Variants in ZIM2 observed in about 807,000 individuals in gnomAD.
ZIM2 encodes zinc finger protein 656.
In ZIM2, 14 loss-of-function variants were observed where a neutral mutation model predicts 38.6. The observed-to-expected ratio is 0.36, with a 90% confidence interval of 0.24 to 0.57. The LOEUF is 0.57. Ranked by LOEUF, ZIM2 falls within the 20% of genes least tolerant of loss-of-function variation. The pLI, the probability that ZIM2 is intolerant of heterozygous loss-of-function variation, is 0.81. For missense variants in ZIM2, 680 were observed against 695.1 expected (o/e 0.98, Z 0.24); for synonymous variants, 247 against 245.8 (o/e 1.00, Z -0.04).
intron 2 of ZIM2, among the ~76,000 whole-genome samples, chr19:56,827,165 A>G (rs2061120394): frequency 6.6e-6 from 1 of 152,224 alleles, no homozygotes. Context: ...GAGCACAGAA[A>G]AGAGATGGAG....
chr19:56,827,233 G>A (rs2061128168), intron 2 of ZIM2, among the ~76,000 whole-genome samples: 1 of 152,112 alleles, frequency 6.6e-6, no homozygotes, highest in Non-Finnish European at 1.5e-5. Flanking sequence ...TTGTCACAAG[G>A]TGGATGCCAA....
At chr19:56,836,582 G>A (rs576282524) in intron 1 of ZIM2, among the ~76,000 whole-genome samples, 13 of 152,272 alleles carry the variant, frequency 8.5e-5, no homozygotes, top group African/African-American at 3.1e-4. Flanking sequence ...ATCAATTAGA[G>A]GTCCCTGGGG....
At chr19:56,782,577 G>A (rs1290221330) in intron 10 of ZIM2, 1 of 364,712 alleles carries the variant, frequency 2.7e-6, no homozygotes, top group African/African-American at 2.1e-5. Context: ...ATTCAATTAA[G>A]TATTGGGTAA....
chr19:56,786,290 TCC>T (rs1236396231), intron 10 of ZIM2, among the ~76,000 whole-genome samples: 1 of 152,198 alleles, frequency 6.6e-6, no homozygotes, highest in African/African-American at 2.4e-5. Context: ...GAATGCGTGT[TCC>T]AGGACATGAC....
intron 10 of ZIM2, 54 bp downstream of exon 10, chr19:56,789,818 A>T (rs1310551200): frequency 1.1e-5 from 16 of 1,404,146 alleles, no homozygotes; most frequent in Non-Finnish European, 1.5e-5. Flanking sequence ...TCCACAAATT[A>T]GGAAGATAAG....
At chr19:56,775,557 A>G in intron 12 of ZIM2, 28 bp from the exon 13 acceptor site, 1 of 1,567,056 alleles carries the variant, frequency 6.4e-7, no homozygotes, top group Non-Finnish European at 8.6e-7. Flanking sequence ...GAAGTTACCT[A>G]CCGCCCAATT....
intron 3 of ZIM2, chr19:56,824,769 G>T: frequency 2.9e-6 from 3 of 1,023,114 alleles, no homozygotes; most frequent in Non-Finnish European, 4.3e-6. Context: ...ATATACACAT[G>T]TCCCAGAAGT....
intron 10 of ZIM2, among the ~76,000 whole-genome samples, chr19:56,783,766 A>G (rs760806104): frequency 6.6e-6 from 1 of 152,188 alleles, no homozygotes; most frequent in Non-Finnish European, 1.5e-5. Context: ...TCATGCTCCA[A>G]ATCTTAGCAT....
intron 2 of ZIM2, among the ~76,000 whole-genome samples, chr19:56,832,583 T>C (rs1568713060): frequency 6.6e-6 from 1 of 152,198 alleles, no homozygotes; most frequent in South Asian, 2.1e-4. Flanking sequence ...GACTCAGTGT[T>C]AAGTAGTAGC....
chr19:56,821,892 G>T, intron 6 of ZIM2, 138 bp from the exon 7 acceptor site: 1 of 915,436 alleles, frequency 1.1e-6, no homozygotes, highest in Non-Finnish European at 1.7e-6. Context: ...GCATTCTGTG[G>T]CAGCCTCTGA....
At chr19:56,805,900 A>G (rs1245568067) in intron 9 of ZIM2, among the ~76,000 whole-genome samples, 1 of 152,260 alleles carries the variant, frequency 6.6e-6, no homozygotes. Context: ...TAAAATTGGA[A>G]TATTGACAGA....
At chr19:56,808,027 T>G (rs1020730781) in intron 9 of ZIM2, among the ~76,000 whole-genome samples, 1 of 152,188 alleles carries the variant, frequency 6.6e-6, no homozygotes, top group African/African-American at 2.4e-5. Flanking sequence ...AGTGTGGCCA[T>G]AAGAATGACT....
At chr19:56,826,754 ATGC>A (rs1275119644) in intron 2 of ZIM2, among the ~76,000 whole-genome samples, 2 of 152,256 alleles carry the variant, frequency 1.3e-5, no homozygotes, top group African/African-American at 4.8e-5. Flanking sequence ...AAAAGTCTTA[ATGC>A]TGCTATTATT....
At chr19:56,822,727 T>G (rs1270048461) in intron 6 of ZIM2, 26 bp downstream of exon 6, 1 of 1,612,848 alleles carries the variant, frequency 6.2e-7, no homozygotes, top group Non-Finnish European at 8.5e-7. Context: ...TATCTCCTAC[T>G]GGGAAAGAAA....
At chr19:56,799,008 T>C (rs772693943) in intron 9 of ZIM2, 1 of 152,114 alleles carries the variant, frequency 6.6e-6, no homozygotes, top group Non-Finnish European at 1.5e-5. Context: ...CTTTTATACG[T>C]TGGTTGGAGT....
chr19:56,797,094 C>T (rs949219604), intron 9 of ZIM2, among the ~76,000 whole-genome samples: 1 of 152,056 alleles, frequency 6.6e-6, no homozygotes, highest in Non-Finnish European at 1.5e-5. Context: ...GGCAGATGAC[C>T]TGAGGTCAAG....
chr19:56,798,332 T>C (rs2047332405), intron 9 of ZIM2: 1 of 152,152 alleles, frequency 6.6e-6, no homozygotes, highest in Admixed American at 6.5e-5. Context: ...TGTGTGTGTG[T>C]GTGCATGTGA....
chr19:56,823,727 A>C, intron 4 of ZIM2, 48 bp from the exon 5 acceptor site: 1 of 1,604,044 alleles, frequency 6.2e-7, no homozygotes, highest in Non-Finnish European at 8.5e-7. Context: ...CCACATTCTC[A>C]CAATAGTTCC....
intron 10 of ZIM2, among the ~76,000 whole-genome samples, chr19:56,785,481 T>C (rs1568570115): frequency 1.3e-5 from 2 of 152,234 alleles, no homozygotes; most frequent in Non-Finnish European, 2.9e-5. Flanking sequence ...AATTTCATTA[T>C]TGTCTTTTAG....
Sources: gnomAD v4.1 joint callset for allele counts (sites outside exome capture counted in the v4.1 genomes callset) on GRCh38, gnomAD v4.1.1 for gene constraint, MANE v1.5 for transcripts, NCBI Gene and HGNC (gene_info 2026-07-23, HGNC 2026-07-21) for gene names.